The following GIMAP8 variants were observed in gnomAD, a reference collection of about 807,000 sequenced individuals.
GIMAP8 encodes the protein GTPase IMAP family member 8.
GIMAP8 carries 29 observed loss-of-function variants against 35.6 expected under a neutral mutation model. The ratio of observed to expected loss-of-function variants is 0.81; its 90% CI spans 0.61 to 1.11. The LOEUF (loss-of-function observed/expected upper bound fraction) is 1.11. Among genes scored for constraint, GIMAP8 ranks in the 50% most tolerant of loss-of-function variants. GIMAP8 has a pLI of 0.00. For missense variants in GIMAP8, 811 were observed against 805.0 expected (o/e 1.01, Z -0.09); for synonymous variants, 335 against 308.7 (o/e 1.09, Z -0.89).
Position 150,466,835 on chromosome 7 carries a change from T to A in GIMAP8, c.137T>A (p.Ile46Asn). The change falls in exon 2 of 5, where the codon ATC becomes AAC. Residue 46 changes from isoleucine (I) to asparagine (N), a missense_variant. By Grantham distance (149) the Ile-to-Asn change is moderately radical. Coordinates refer to ENST00000307271, the MANE Select transcript of GIMAP8 (RefSeq NM_175571.4). Reference protein sequence around the residue: ...FKSKFSDQTVIKMCQRESWVL... With the variant: ...FKSKFSDQTVNKMCQRESWVL... The stretch of plus-strand genomic sequence containing the variant: ...TCCAAGTTCAGTGATCAGACAGTGA[T>A]CAAAATGTGCCAGAGAGAGAGTTGG... 6.2e-7 allele frequency: 1 copy of A among 1,614,220 alleles called. No homozygotes were observed. Among genetic ancestry groups the A allele is most frequent in the Non-Finnish European group, 8.5e-7 (1 of 1,180,042 alleles).
In GIMAP8 at chr7:150,467,139, C is replaced by T. The variant is rs1801982858; in HGVS notation, c.441C>T (p.Phe147=). The T allele has an allele frequency of 6.2e-7, 1 of 1,614,010 alleles. No individual in the cohort carries two copies. Among genetic ancestry groups the T allele is most frequent in the Non-Finnish European group, 8.5e-7 (1 of 1,180,012 alleles). ...DDLGDDLLQD[F]IEKNKPLKQL... is the part of the protein sequence containing the mutation. ...TGGGGGATGACTTGCTGCAAGATTT[C>T]ATTGAAAAAAACAAACCTCTCAAGC... The change falls in exon 2 of 5, where the codon TTC becomes TTT. Residue 147 remains phenylalanine (F), a synonymous_variant. Coordinates refer to ENST00000307271, the MANE Select transcript of GIMAP8 (RefSeq NM_175571.4).
In GIMAP8 at chr7:150,477,563, GTGGGCGGCGAGTT is replaced by G; in HGVS notation, c.1784_1796del (p.Gly595ValfsTer16). 3 of 1,614,214 alleles carry G rather than the reference GTGGGCGGCGAGTT, an allele frequency of 1.9e-6. No individual in the cohort carries two copies. Among genetic ancestry groups the G allele is most frequent in the Non-Finnish European group, 1.7e-6 (2 of 1,180,030 alleles). On this transcript the variant is annotated frameshift_variant, in exon 5 of 5. Transcript: ENST00000307271. LOFTEE classifies it low-confidence loss of function (END_TRUNC). The stretch of plus-strand genomic sequence containing the variant: ...GCCCTTCGGCGCATTTTTAAAAAGT[GTGGGCGGCGAGTT>G]TGTGCTTTTAACAACAAAGAAACAG...
chr7:150,472,346 C>T lies in GIMAP8; in HGVS notation c.682+1472C>T, dbSNP rs1052604718. 5.9e-5 allele frequency among the ~76,000 whole-genome samples: 9 copies of T among 152,170 alleles called. No homozygotes were observed. Among genetic ancestry groups the T allele is most frequent in the Non-Finnish European group, 1.2e-4 (8 of 68,032 alleles). ...TCTGTCCAAGGTGACAAGGGTGGAA[C>T]GAGGCTAAAGCCATCAGGAGGCAGC... On this transcript the variant is annotated intron_variant, in intron 3 of 4. Transcript: ENST00000307271. This position sits in a 1 kb window ranked among gnomAD's most constrained non-coding sequence, Gnocchi z 4.1.
At chr7:150,460,647 G>C (rs1801823423) in intron 1 of GIMAP8, among the ~76,000 whole-genome samples, 1 of 152,308 alleles carries the variant, frequency 6.6e-6, no homozygotes, top group South Asian at 2.1e-4. Context: ...CTGTAAACCA[G>C]CTCTGAGTTT....
chr7:150,474,831 G>A (rs1440472535), intron 4 of GIMAP8, among the ~76,000 whole-genome samples, 193 bp downstream of exon 4: 3 of 151,290 alleles, frequency 2.0e-5, no homozygotes, highest in African/African-American at 2.4e-5. Context: ...CCACTAACTC[G>A]TCATCTAGCA....
In GIMAP8 at chr7:150,477,172, T is replaced by C. The variant is rs200600015; in HGVS notation, c.1390T>C (p.Phe464Leu). The change falls in exon 5 of 5, where the codon TTC (phenylalanine) becomes CTC (leucine). Residue 464 changes from phenylalanine (F) to leucine (L), a missense_variant. Physicochemically the swap from Phe to Leu is conservative, Grantham distance 22 (BLOSUM62 0). Transcript: ENST00000307271. ...TGNSILGSLVFTSRLRAQPVT... is the reference protein window; with the variant it reads ...TGNSILGSLVLTSRLRAQPVT... ...GAACTCTATCCTGGGGAGCCTCGTCTTCACCTCTCGGCTCCGGGCCCAGCC... is the reference window on the plus strand; with the variant it reads ...GAACTCTATCCTGGGGAGCCTCGTCCTCACCTCTCGGCTCCGGGCCCAGCC... 1 of 1,614,112 alleles carries C rather than the reference T, an allele frequency of 6.2e-7. No homozygotes were observed. Among genetic ancestry groups the C allele is most frequent in the East Asian group, 2.2e-5 (1 of 44,878 alleles).
At chr7:150,453,823 C>T (rs1801671527) in intron 1 of GIMAP8, among the ~76,000 whole-genome samples, 1 of 149,558 alleles carries the variant, frequency 6.7e-6, no homozygotes, top group Admixed American at 6.7e-5. Flanking sequence ...ACAGAGGAGT[C>T]ACGACTCTTA....
In GIMAP8 at chr7:150,474,173, G is replaced by A; in HGVS notation, c.844G>A (p.Val282Ile). The change falls in exon 4 of 5, where the codon GTA becomes ATA. Residue 282 changes from valine (V) to isoleucine (I), a missense_variant. Transcript: ENST00000307271. ...TCAGACCGGATTTAGTGAGCAGTCA[G>A]TAACCCAGAGCTTCTTGTCTGAGAG... Reference protein sequence around the residue: ...AFQTGFSEQSVTQSFLSESRS... With the variant: ...AFQTGFSEQSITQSFLSESRS... 2 of 1,614,226 alleles carry A rather than the reference G, an allele frequency of 1.2e-6. No homozygotes were observed. Among genetic ancestry groups the A allele is most frequent in the East Asian group, 4.5e-5 (2 of 44,886 alleles).
At chr7:150,466,556 T>G in intron 1 of GIMAP8, 115 bp from the exon 2 acceptor site, 2 of 837,138 alleles carry the variant, frequency 2.4e-6, no homozygotes. Flanking sequence ...AGAACTTCAG[T>G]AGCTCAAATT....
At chr7:150,463,289 T>C (rs575389413) in intron 1 of GIMAP8, among the ~76,000 whole-genome samples, 2 of 152,316 alleles carry the variant, frequency 1.3e-5, no homozygotes, top group Admixed American at 1.3e-4. Context: ...CTCTTTTATA[T>C]TGTTGATGTT....
chr7:150,468,133 C>T (rs958193505), intron 2 of GIMAP8, among the ~76,000 whole-genome samples: 4 of 152,126 alleles, frequency 2.6e-5, no homozygotes, highest in Admixed American at 2.0e-4. Flanking sequence ...CCAGAATCCA[C>T]CTGCTTCTCT....
In GIMAP8 at chr7:150,474,160, T is replaced by C; in HGVS notation, c.831T>C (p.Phe277=). The C allele has an allele frequency of 6.2e-7, 1 of 1,614,134 alleles. No individual in the cohort carries two copies. Among genetic ancestry groups the C allele is most frequent in the Non-Finnish European group, 8.5e-7 (1 of 1,180,002 alleles). Residue 277 remains phenylalanine (F), a synonymous_variant, in exon 4 of 5, where the codon TTT becomes TTC. Transcript: ENST00000307271. The part of the protein sequence containing the change: ...ILGRQAFQTG[F]SEQSVTQSFL... ...GGAGGCAGGCCTTTCAGACCGGATT[T>C]AGTGAGCAGTCAGTAACCCAGAGCT...
Position 150,474,295 on chromosome 7 carries a change from A to C in GIMAP8, c.966A>C (p.Thr322=), listed in dbSNP as rs774411461. The C allele has an allele frequency of 1.9e-6, 3 of 1,614,160 alleles. No homozygotes were observed. In the South Asian group the frequency reaches 3.3e-5, roughly 18 times the overall value. The part of the protein sequence containing the change: ...IDSEVRKHIC[T]GPHAFLLVTP... Reference sequence around the variant, plus strand: ...CAGAAGTTAGAAAACACATCTGTACAGGCCCCCATGCCTTCCTGCTGGTGA... The same window carrying C: ...CAGAAGTTAGAAAACACATCTGTACCGGCCCCCATGCCTTCCTGCTGGTGA... Residue 322 remains threonine (T), a synonymous_variant, in exon 4 of 5, where the codon ACA becomes ACC. Coordinates refer to ENST00000307271, the MANE Select transcript of GIMAP8 (RefSeq NM_175571.4).
intron 1 of GIMAP8, among the ~76,000 whole-genome samples, chr7:150,464,067 C>T (rs1307331871): frequency 6.6e-6 from 1 of 152,088 alleles, no homozygotes; most frequent in African/African-American, 2.4e-5. Context: ...CAGTGATAGG[C>T]AGGATAAAGT....
intron 3 of GIMAP8, among the ~76,000 whole-genome samples, chr7:150,471,417 G>T (rs994811334): frequency 3.9e-5 from 6 of 152,240 alleles, no homozygotes; most frequent in African/African-American, 1.4e-4. Flanking sequence ...TGATGGATTT[G>T]CAGGTTATTT....
At position 150,478,727 on chromosome 7, in the gene GIMAP8, C is replaced by T. The variant is rs1802301362; in HGVS notation, c.*947C>T. On this transcript the variant is annotated 3_prime_UTR_variant, in exon 5 of 5. Coordinates refer to ENST00000307271, the MANE Select transcript of GIMAP8 (RefSeq NM_175571.4). ...GTCAGGAAGCCGAGGAATAAGCAGG[C>T]TGGGGCTGGTGGGCGTCAACATCCC... 6.6e-6 allele frequency: 1 copy of T among 152,148 alleles called. No homozygotes were observed. Among genetic ancestry groups the T allele is most frequent in the Non-Finnish European group, 1.5e-5 (1 of 68,030 alleles). 9.4% of individuals were successfully genotyped at this position (152,148 alleles called of 1,614,324 possible).
At chr7:150,453,993 A>T (rs573515486) in intron 1 of GIMAP8, among the ~76,000 whole-genome samples, 47 of 152,138 alleles carry the variant, frequency 3.1e-4, no homozygotes, top group African/African-American at 1.1e-3. Flanking sequence ...TGGAGGCTGG[A>T]GAGGGCCTCC....
chr7:150,476,451 A>G (rs1802231185), intron 4 of GIMAP8, among the ~76,000 whole-genome samples: 1 of 152,240 alleles, frequency 6.6e-6, no homozygotes, highest in South Asian at 2.1e-4. Context: ...GTTAGTGGAT[A>G]TTCATTATTA....
rs1585120468 is a variant in GIMAP8 at position 150,474,645 on chromosome 7, C to T, written c.1309+7C>T. 6.4e-7 allele frequency: 1 copy of T among 1,552,242 alleles called. No individual in the cohort carries two copies. Among genetic ancestry groups the T allele is most frequent in the East Asian group, 2.2e-5 (1 of 44,478 alleles). ...TGTGTTTTCAGAGAAAAAGGTAAAA[C>T]TGTGAATAGGATATATATTTTTACA... On this transcript the variant is annotated splice_region_variant and intron_variant, in intron 4 of 4. Transcript: ENST00000307271.
Sources: allele counts gnomAD v4.1 joint callset (sites outside exome capture counted in the v4.1 genomes callset), GRCh38; gene constraint gnomAD v4.1.1; non-coding constraint Gnocchi (gnomAD v3.1); transcripts MANE v1.5; gene names NCBI Gene and HGNC (gene_info 2026-07-23, HGNC 2026-07-21).